SGCZ: variants seen among roughly 807,000 people sequenced by gnomAD.
The protein encoded by SGCZ is zeta-sarcoglycan.
Under a neutral mutation model 41.3 loss-of-function variants are expected in SGCZ, and 40 were observed. That is an observed-to-expected ratio of 0.97 (90% CI 0.75 to 1.26). The LOEUF is 1.26. Among genes scored for constraint, SGCZ ranks in the 50% most tolerant of loss-of-function variants. SGCZ has a pLI of 0.00. For synonymous variants in SGCZ, 206 were observed against 137.5 expected (o/e 1.50, Z -3.49); for missense variants, 552 against 369.8 (o/e 1.49, Z -4.04).
At chr8:14,421,831 G>C (rs1799645259) in intron 2 of SGCZ, among the ~76,000 whole-genome samples, 1 of 151,914 alleles carries the variant, frequency 6.6e-6, no homozygotes, top group Admixed American at 6.6e-5. Flanking sequence ...ATAATCGAAA[G>C]GAAAAATAGT....
At chr8:14,652,476 AT>A (rs1335341843) in intron 1 of SGCZ, among the ~76,000 whole-genome samples, 1 of 151,942 alleles carries the variant, frequency 6.6e-6, no homozygotes, top group African/African-American at 2.4e-5. Flanking sequence ...GTAGGTATAT[AT>A]TTTTTGTAAT....
At chr8:14,868,057 T>C (rs565234871) in intron 1 of SGCZ, among the ~76,000 whole-genome samples, 62 of 152,298 alleles carry the variant, frequency 4.1e-4, no homozygotes, top group African/African-American at 1.4e-3. Context: ...CATACTTAGC[T>C]AATTTGAGCT....
chr8:15,181,847 A>C (rs1800189489), intron 1 of SGCZ, among the ~76,000 whole-genome samples: 1 of 152,188 alleles, frequency 6.6e-6, no homozygotes, highest in Non-Finnish European at 1.5e-5. Context: ...TTTAGAGGAA[A>C]AAATAACATG....
At chr8:14,423,772 TC>T (rs1324192089) in intron 2 of SGCZ, among the ~76,000 whole-genome samples, 1 of 152,046 alleles carries the variant, frequency 6.6e-6, no homozygotes. Context: ...CTTCCTTCCG[TC>T]CCCCCATCTT....
chr8:14,705,275 A>C (rs769587816), intron 1 of SGCZ, among the ~76,000 whole-genome samples: 3 of 152,018 alleles, frequency 2.0e-5, no homozygotes, highest in Non-Finnish European at 2.9e-5. Context: ...CAGTATAGGC[A>C]TAAAGGGTTT....
chr8:14,193,391 G>C (rs1441330124), intron 4 of SGCZ, among the ~76,000 whole-genome samples: 1 of 151,796 alleles, frequency 6.6e-6, no homozygotes, highest in South Asian at 2.1e-4. Context: ...ATGAGTGAGA[G>C]AATATATAAT....
intron 2 of SGCZ, among the ~76,000 whole-genome samples, chr8:14,420,818 CT>C (rs1161661007): frequency 6.6e-6 from 1 of 152,072 alleles, no homozygotes; most frequent in Non-Finnish European, 1.5e-5. Context: ...CTCCTTTTAT[CT>C]TTGTTAAAAT....
At chr8:14,887,989 A>G (rs933405967) in intron 1 of SGCZ, among the ~76,000 whole-genome samples, 11 of 152,308 alleles carry the variant, frequency 7.2e-5, no homozygotes, top group Admixed American at 6.5e-5. Flanking sequence ...GGGATAAATG[A>G]TAAGTATTTG....
intron 4 of SGCZ, among the ~76,000 whole-genome samples, chr8:14,224,076 C>A (rs1275491918): frequency 6.6e-6 from 1 of 152,168 alleles, no homozygotes; most frequent in Non-Finnish European, 1.5e-5. Flanking sequence ...TAAAGCACAT[C>A]TTTGACACTA....
chr8:14,866,168 A>T (rs1803923625), intron 1 of SGCZ, among the ~76,000 whole-genome samples: 1 of 152,142 alleles, frequency 6.6e-6, no homozygotes. Flanking sequence ...CAAGTTTCAT[A>T]TGATTAAAAG....
At chr8:15,202,813 A>G (rs1034511985) in intron 1 of SGCZ, among the ~76,000 whole-genome samples, 15 of 152,128 alleles carry the variant, frequency 9.9e-5, no homozygotes, top group Non-Finnish European at 1.9e-4. Context: ...ATAAAAAGCT[A>G]GGTTAAGACA....
chr8:14,803,416 G>C lies in SGCZ; in HGVS notation c.40-248490C>G, dbSNP rs1341133298. ...CAGGGTGAGGCATTGCCTCACTCGG[G>C]AATCGCAAGGGGTCAGGGAGTTCCC... On this transcript the variant is annotated intron_variant, in intron 1 of 7. Transcript: ENST00000382080. Among the ~76,000 whole-genome samples, 9 of 152,258 alleles carry C rather than the reference G, an allele frequency of 5.9e-5. No homozygotes were observed. In the South Asian group the frequency reaches 1.9e-3, roughly 32 times the overall value.
At chr8:14,275,791 G>A (rs1458192979) in intron 3 of SGCZ, among the ~76,000 whole-genome samples, 1 of 152,128 alleles carries the variant, frequency 6.6e-6, no homozygotes, top group Non-Finnish European at 1.5e-5. Flanking sequence ...GGTGGCTGAA[G>A]GCTGGTTTCA....
At chr8:14,278,563 A>G (rs985646088) in intron 3 of SGCZ, among the ~76,000 whole-genome samples, 3 of 152,142 alleles carry the variant, frequency 2.0e-5, no homozygotes, top group African/African-American at 7.2e-5. Context: ...ACGTTGAAAA[A>G]TAGTATTAAA....
intron 3 of SGCZ, among the ~76,000 whole-genome samples, chr8:14,243,776 G>T (rs1016084847): frequency 1.3e-5 from 2 of 152,092 alleles, no homozygotes; most frequent in African/African-American, 4.8e-5. Flanking sequence ...CCTCTGTGAA[G>T]CCTTTCTACT....
At chr8:14,743,559 T>C (rs1303709350) in intron 1 of SGCZ, among the ~76,000 whole-genome samples, 2 of 152,028 alleles carry the variant, frequency 1.3e-5, no homozygotes, top group Admixed American at 6.6e-5. Context: ...GGGGGAAGAA[T>C]AAAATACTTA....
chr8:14,812,859 C>G (rs1327558330), intron 1 of SGCZ, among the ~76,000 whole-genome samples: 1 of 152,100 alleles, frequency 6.6e-6, no homozygotes, highest in Non-Finnish European at 1.5e-5. Flanking sequence ...AAAAGCATTG[C>G]ATTTTGCAAA....
At chr8:14,151,721 G>T (rs575093104) in intron 5 of SGCZ, among the ~76,000 whole-genome samples, 3 of 152,128 alleles carry the variant, frequency 2.0e-5, no homozygotes, top group African/African-American at 4.8e-5. Flanking sequence ...CTATTATGTG[G>T]CTACAGTAAT....
intron 5 of SGCZ, among the ~76,000 whole-genome samples, chr8:14,122,694 C>G (rs1424335200): frequency 2.0e-5 from 3 of 152,106 alleles, no homozygotes; most frequent in Non-Finnish European, 4.4e-5. Flanking sequence ...CTGGCTAATT[C>G]CAGTTAGCAG....
Sources: gnomAD v4.1 joint callset for allele counts (sites outside exome capture counted in the v4.1 genomes callset) on GRCh38, gnomAD v4.1.1 for gene constraint, MANE v1.5 for transcripts, NCBI Gene and HGNC (gene_info 2026-07-23, HGNC 2026-07-21) for gene names.